CSMD1: variants seen among roughly 807,000 people sequenced by gnomAD.
The protein encoded by CSMD1 is CUB and sushi domain-containing protein 1.
In CSMD1, 213 loss-of-function variants were observed where a neutral mutation model predicts 417.5. That is an observed-to-expected ratio of 0.51 (90% CI 0.46 to 0.57). The LOEUF is 0.57. Among genes scored for constraint, CSMD1 ranks in the 20% least tolerant of loss-of-function variants. The probability of loss-of-function intolerance (pLI) is 0.00; values close to 1 mark genes in which losing one functional copy is unlikely to be tolerated. For missense variants in CSMD1, 6,923 were observed against 4,529.7 expected (o/e 1.53, Z -15.17); for synonymous variants, 2,862 against 1,736.8 (o/e 1.65, Z -16.11).
intron 37 of CSMD1, among the ~76,000 whole-genome samples, chr8:3,172,447 G>A (rs1820635821): frequency 6.6e-6 from 1 of 152,140 alleles, no homozygotes; most frequent in Non-Finnish European, 1.5e-5. Context: ...GCTTCAAGGT[G>A]CTTATCATAA....
In CSMD1 at chr8:2,969,007, A is replaced by C. The variant is rs139788453; in HGVS notation, c.8924-2261T>G. ...TAGTACTGTTCATTTTGCATGCTAC[A>C]TGACAAAAATTGCTGTTAAATTGAG... On this transcript the variant is annotated intron_variant, in intron 57 of 69. Transcript: ENST00000635120. 1.3e-3 allele frequency among the ~76,000 whole-genome samples: 194 copies of C among 152,256 alleles called. 1 individual carries two copies. The highest frequency in any genetic ancestry group is 4.4e-3 in the African/African-American group (183 of 41,582).
intron 6 of CSMD1, among the ~76,000 whole-genome samples, chr8:3,718,086 T>C (rs977723966): frequency 2.6e-5 from 4 of 152,222 alleles, no homozygotes; most frequent in African/African-American, 9.6e-5. Flanking sequence ...AAAAATGCTA[T>C]CTTATTTTTA....
At chr8:3,285,683 G>T (rs1803096785) in intron 25 of CSMD1, among the ~76,000 whole-genome samples, 1 of 151,970 alleles carries the variant, frequency 6.6e-6, no homozygotes, top group South Asian at 2.1e-4. Flanking sequence ...ACAGGCATGA[G>T]CCACCACGCC....
chr8:4,958,907 A>G (rs1809295989), intron 1 of CSMD1, among the ~76,000 whole-genome samples: 1 of 152,204 alleles, frequency 6.6e-6, no homozygotes, highest in South Asian at 2.1e-4. Context: ...AGAGGAAAGA[A>G]TATTTTTAGA....
At chr8:2,984,874 C>A (rs1006346361) in intron 54 of CSMD1, among the ~76,000 whole-genome samples, 1 of 152,194 alleles carries the variant, frequency 6.6e-6, no homozygotes, top group African/African-American at 2.4e-5. Context: ...TATTTATGCA[C>A]GTATTTAATC....
intron 1 of CSMD1, among the ~76,000 whole-genome samples, chr8:4,908,029 C>T (rs1458979702): frequency 2.0e-5 from 3 of 147,764 alleles, no homozygotes; most frequent in Non-Finnish European, 4.4e-5. Context: ...AATTACTTTT[C>T]TTCTGTGGAA....
intron 10 of CSMD1, among the ~76,000 whole-genome samples, chr8:3,537,634 T>C (rs1798259119): frequency 6.6e-6 from 1 of 152,236 alleles, no homozygotes; most frequent in South Asian, 2.1e-4. Flanking sequence ...TAATGAAATT[T>C]ATGTAGCATC....
chr8:3,087,417 G>A, intron 48 of CSMD1, 132 bp from the exon 49 acceptor site: 2 of 928,520 alleles, frequency 2.2e-6, no homozygotes, highest in South Asian at 1.6e-5. Context: ...CAGTATGTAA[G>A]TTTGTTCTAA....
At chr8:4,855,134 G>T (rs573159064) in intron 1 of CSMD1, among the ~76,000 whole-genome samples, 3 of 151,438 alleles carry the variant, frequency 2.0e-5, no homozygotes, top group East Asian at 2.0e-4. Context: ...TAACTGGGAG[G>T]CACCCCCCAG....
At chr8:3,921,894 G>C (rs908496973) in intron 5 of CSMD1, among the ~76,000 whole-genome samples, 6 of 152,182 alleles carry the variant, frequency 3.9e-5, no homozygotes, top group Middle Eastern at 3.4e-3. Flanking sequence ...GTGTCTGTTA[G>C]GTCCATCTGG....
At chr8:3,787,181 G>C (rs1361645179) in intron 5 of CSMD1, among the ~76,000 whole-genome samples, 1 of 151,776 alleles carries the variant, frequency 6.6e-6, no homozygotes, top group Non-Finnish European at 1.5e-5. Flanking sequence ...TTTCTAGAAA[G>C]GAAAAAATGT....
At chr8:3,407,851 G>C (rs1329008886) in intron 14 of CSMD1, 48 bp downstream of exon 14, 2 of 1,485,066 alleles carry the variant, frequency 1.3e-6, no homozygotes, top group African/African-American at 1.4e-5. Context: ...ATGGGAACAT[G>C]TAAGTAAAAT....
At chr8:3,954,311 G>A (rs949310896) in intron 5 of CSMD1, among the ~76,000 whole-genome samples, 19 of 152,172 alleles carry the variant, frequency 1.2e-4, no homozygotes, top group African/African-American at 4.3e-4. Context: ...ACCAGGGCAT[G>A]CACGCGAAGG....
At chr8:4,294,222 C>G (rs138207519) in intron 3 of CSMD1, among the ~76,000 whole-genome samples, 2 of 152,186 alleles carry the variant, frequency 1.3e-5, no homozygotes, top group Admixed American at 6.5e-5. Context: ...GCGGGAGAAA[C>G]TGAACATCTC....
chr8:4,951,341 G>A lies in CSMD1; in HGVS notation c.85+42991C>T, dbSNP rs767410845. On this transcript the variant is annotated intron_variant, in intron 1 of 69. Coordinates refer to ENST00000635120, the MANE Select transcript of CSMD1 (RefSeq NM_033225.6). ...TTCACAAACCATATTTCTATTACTT[G>A]AGCTATCTCTGCTCTTAATTGCTAA... 2.0e-4 allele frequency among the ~76,000 whole-genome samples: 31 copies of A among 151,884 alleles called. 2 individuals are homozygous for A. The highest frequency in any genetic ancestry group is 8.5e-4 in the Admixed American group (13 of 15,222).
intron 3 of CSMD1, among the ~76,000 whole-genome samples, chr8:4,322,196 C>A (rs1371741641): frequency 6.6e-6 from 1 of 152,168 alleles, no homozygotes; most frequent in African/African-American, 2.4e-5. Context: ...AATTTCCTTT[C>A]ACTCTATGGT....
chr8:4,619,120 C>A (rs1385277307), intron 2 of CSMD1, among the ~76,000 whole-genome samples: 1 of 152,074 alleles, frequency 6.6e-6, no homozygotes, highest in Non-Finnish European at 1.5e-5. Flanking sequence ...TTTCTCTAGT[C>A]TTTTGCCCTA....
rs374268956 is a variant in CSMD1 at position 3,753,975 on chromosome 8, A to T, written c.886T>A (p.Ser296Thr). ...CCTTTGCGTCGGTGGTTGCTGTCAG[A>T]GGTGAAATGGAGTCGTAGCCAATTC... is the stretch of plus-strand genomic sequence containing the variant. Reference protein sequence around the residue: ...SKNWLRLHFTSDSNHRRKGFN... With the variant: ...SKNWLRLHFTTDSNHRRKGFN... Residue 296 changes from serine to threonine, a missense_variant, in exon 6 of 70, where the codon TCT becomes ACT. Ser to Thr is a moderately conservative substitution (Grantham distance 58). Transcript: ENST00000635120. The T allele has an allele frequency of 5.6e-6, 9 of 1,612,956 alleles. No individual in the cohort carries two copies. In the African/African-American group the frequency reaches 9.3e-5, roughly 17 times the overall value.
In CSMD1 at chr8:4,007,328, T is replaced by C. The variant is rs540470795; in HGVS notation, c.611-9218A>G. Among the ~76,000 whole-genome samples, 4 of 152,296 alleles carry C rather than the reference T, an allele frequency of 2.6e-5. No homozygotes were observed. In the East Asian group the frequency reaches 7.7e-4, roughly 29 times the overall value. Reference sequence around the variant, plus strand: ...CTTCTTCTGTTCCTCATCCTCCACCTCCTTTGGCTCCCATTTCCTCTTTTC... The same window carrying C: ...CTTCTTCTGTTCCTCATCCTCCACCCCCTTTGGCTCCCATTTCCTCTTTTC... On this transcript the variant is annotated intron_variant, in intron 4 of 69. Coordinates refer to ENST00000635120, the MANE Select transcript of CSMD1 (RefSeq NM_033225.6).
Sources: gnomAD v4.1 joint callset for allele counts (sites outside exome capture counted in the v4.1 genomes callset) on GRCh38, gnomAD v4.1.1 for gene constraint, MANE v1.5 for transcripts, NCBI Gene and HGNC (gene_info 2026-07-23, HGNC 2026-07-21) for gene names.